Variants in PCDH15 observed in about 807,000 individuals in gnomAD.
The protein encoded by PCDH15 is protocadherin related 15, also known as protocadherin-15.
A neutral mutation model predicts 178.5 loss-of-function variants in PCDH15; 129 were observed. The observed-to-expected ratio is 0.72, with a 90% CI of 0.63 to 0.84. PCDH15 has a LOEUF of 0.84. PCDH15 is among the 40% of genes least tolerant of loss of function. The pLI, the probability that PCDH15 is intolerant of heterozygous loss-of-function variation, is 0.00. For missense variants in PCDH15, 2,230 were observed against 2,099.9 expected (o/e 1.06, Z -1.21); for synonymous variants, 800 against 732.0 (o/e 1.09, Z -1.50).
intron 2 of PCDH15, among the ~76,000 whole-genome samples, chr10:54,598,902 G>C (rs1310117660): frequency 6.6e-6 from 1 of 151,742 alleles, no homozygotes; most frequent in Non-Finnish European, 1.5e-5. Flanking sequence ...AAATACCTAG[G>C]AATACAGCTA....
chr10:53,845,997 T>G (rs1446686311), intron 28 of PCDH15, among the ~76,000 whole-genome samples: 1 of 148,320 alleles, frequency 6.7e-6, no homozygotes, highest in Non-Finnish European at 1.5e-5. Context: ...TATGTACAAC[T>G]AGGTTATATC....
chr10:54,444,410 T>A (rs2076022407), intron 3 of PCDH15, among the ~76,000 whole-genome samples: 1 of 151,906 alleles, frequency 6.6e-6, no homozygotes, highest in South Asian at 2.1e-4. Flanking sequence ...TCATACTCCC[T>A]GACCTGGAGT....
chr10:55,157,132 T>C (rs200370661), intron 2 of PCDH15, among the ~76,000 whole-genome samples: 1 of 152,108 alleles, frequency 6.6e-6, no homozygotes, highest in Non-Finnish European at 1.5e-5. Context: ...TCTATATCTA[T>C]CTATCTATCT....
chr10:54,870,732 G>A (rs1356300951), intron 3 of PCDH15, among the ~76,000 whole-genome samples: 1 of 151,852 alleles, frequency 6.6e-6, no homozygotes, highest in Non-Finnish European at 1.5e-5. Flanking sequence ...CTTGCAGTGA[G>A]CCGAGATCGC....
chr10:55,523,733 C>G (rs184773780), intron 2 of PCDH15, among the ~76,000 whole-genome samples: 1 of 151,472 alleles, frequency 6.6e-6, no homozygotes, highest in African/African-American at 2.4e-5. Context: ...ATATAGAAGG[C>G]GAATCATGAC....
intron 1 of PCDH15, among the ~76,000 whole-genome samples, chr10:55,188,836 G>T (rs1839869724): frequency 1.3e-5 from 2 of 151,464 alleles, no homozygotes; most frequent in South Asian, 2.1e-4. Flanking sequence ...CCCCAGAATT[G>T]TTGTACCACA....
intron 2 of PCDH15, among the ~76,000 whole-genome samples, chr10:54,541,158 T>C (rs910465169): frequency 6.6e-6 from 1 of 152,118 alleles, no homozygotes; most frequent in Admixed American, 6.6e-5. Context: ...CTAGAAGTCC[T>C]AACTACAGCA....
intron 2 of PCDH15, among the ~76,000 whole-genome samples, chr10:54,926,607 T>A (rs1161467058): frequency 6.6e-6 from 1 of 152,040 alleles, no homozygotes; most frequent in African/African-American, 2.4e-5. Flanking sequence ...ATTTGTAGGC[T>A]ATTTATAACT....
intron 8 of PCDH15, among the ~76,000 whole-genome samples, chr10:54,254,678 TTAA>T (rs915249448): frequency 5.3e-5 from 8 of 152,182 alleles, no homozygotes; most frequent in Non-Finnish European, 1.2e-4. Flanking sequence ...ACACTTGGTT[TTAA>T]TGTTTGAAAT....
At chr10:54,644,841 C>T (rs1370271715) in intron 2 of PCDH15, among the ~76,000 whole-genome samples, 1 of 152,124 alleles carries the variant, frequency 6.6e-6, no homozygotes, top group African/African-American at 2.4e-5. Flanking sequence ...CACTCTGTAC[C>T]TTATAGAAGG....
At chr10:54,732,502 C>T (rs1026460081) in intron 1 of PCDH15, among the ~76,000 whole-genome samples, 1 of 151,486 alleles carries the variant, frequency 6.6e-6, no homozygotes, top group Admixed American at 6.6e-5. Flanking sequence ...AATGGATAAC[C>T]TAAGACATGT....
chr10:55,565,483 A>T (rs561222978), intron 2 of PCDH15, among the ~76,000 whole-genome samples: 3 of 151,740 alleles, frequency 2.0e-5, no homozygotes, highest in African/African-American at 7.2e-5. Flanking sequence ...TGAAGGCAAG[A>T]AGAAGAAAGA....
intron 9 of PCDH15, among the ~76,000 whole-genome samples, chr10:54,227,802 A>G (rs557241197): frequency 6.6e-6 from 1 of 152,280 alleles, no homozygotes; most frequent in Non-Finnish European, 1.5e-5. Flanking sequence ...AACCTCAATC[A>G]TCTCTCAAGT....
chr10:53,832,923 G>A (rs377258954), intron 29 of PCDH15, among the ~76,000 whole-genome samples: 1 of 151,694 alleles, frequency 6.6e-6, no homozygotes, highest in South Asian at 2.1e-4. Context: ...GTGGCAATTA[G>A]AATGCTTTTT....
chr10:55,380,378 GAC>G lies in PCDH15; in HGVS notation c.-155-213729_-155-213728del, dbSNP rs1461188369. Among the ~76,000 whole-genome samples the G allele has an allele frequency of 1.2e-4, 18 of 152,156 alleles. No individual in the cohort carries two copies. In the East Asian group the frequency reaches 3.5e-3, roughly 29 times the overall value. ...AATGATACAGGGTGTACTTATGAGA[GAC>G]AATTCTCTATGGGTCTTTCCAGTTT... On this transcript the variant is annotated intron_variant, in intron 2 of 5. Coordinates refer to the PCDH15 transcript ENST00000613346.
At chr10:54,252,285 G>A (rs1258786791) in intron 8 of PCDH15, among the ~76,000 whole-genome samples, 1 of 152,066 alleles carries the variant, frequency 6.6e-6, no homozygotes, top group Non-Finnish European at 1.5e-5. Context: ...TAAAACTAAT[G>A]CAGATACTAG....
At chr10:54,931,748 GA>G (rs1837782351) in intron 2 of PCDH15, among the ~76,000 whole-genome samples, 1 of 152,118 alleles carries the variant, frequency 6.6e-6, no homozygotes, top group African/African-American at 2.4e-5. Flanking sequence ...TACATACTGG[GA>G]TTTGCAGGGT....
At chr10:55,588,570 T>C (rs1379472694) in intron 2 of PCDH15, among the ~76,000 whole-genome samples, 1 of 151,986 alleles carries the variant, frequency 6.6e-6, no homozygotes, top group Admixed American at 6.6e-5. Flanking sequence ...TTTATTAAGA[T>C]GGGAGTCATA....
intron 1 of PCDH15, among the ~76,000 whole-genome samples, chr10:54,685,488 T>A (rs1390752560): frequency 6.6e-6 from 1 of 152,166 alleles, no homozygotes; most frequent in Non-Finnish European, 1.5e-5. Flanking sequence ...TTACAAGGGC[T>A]ATATCACCAG....
Sources: allele counts gnomAD v4.1 joint callset (sites outside exome capture counted in the v4.1 genomes callset), GRCh38; gene constraint gnomAD v4.1.1; transcripts MANE v1.5; gene names NCBI Gene and HGNC (gene_info 2026-07-23, HGNC 2026-07-21).